The following AFDN variants were observed in gnomAD, a reference collection of about 807,000 sequenced individuals.
AFDN encodes the protein afadin.
In AFDN, 68 loss-of-function variants were observed where a neutral mutation model predicts 216.6. That is an observed-to-expected ratio of 0.31 (90% CI 0.26 to 0.38). The LOEUF (loss-of-function observed/expected upper bound fraction) is 0.38, where lower values mean the gene tolerates loss of function less well. AFDN is among the 10% of genes least tolerant of loss of function. The probability of loss-of-function intolerance (pLI) is 1.00; values close to 1 mark genes in which losing one functional copy is unlikely to be tolerated. For missense variants in AFDN, 2,136 were observed against 2,342.0 expected, an observed-to-expected ratio of 0.91 and a Z score of 1.82; for synonymous variants, 868 against 853.7, an observed-to-expected ratio of 1.02 and a Z score of -0.29.
intron 22 of AFDN, 74 bp from the exon 23 acceptor site, chr6:167,924,930 AG>A: frequency 1.0e-6 from 1 of 997,970 alleles, no homozygotes; most frequent in Non-Finnish European, 1.6e-6. Context: ...ATGATTGACT[AG>A]ATCATGAGTT....
At chr6:167,836,375 G>T (rs1024799158) in intron 1 of AFDN, among the ~76,000 whole-genome samples, 3 of 152,146 alleles carry the variant, frequency 2.0e-5, no homozygotes, top group Admixed American at 6.5e-5. Flanking sequence ...CCAACCATCG[G>T]CTGTGTAAAG....
chr6:167,904,609 TA>T (rs1789415725), intron 12 of AFDN, among the ~76,000 whole-genome samples: 1 of 152,164 alleles, frequency 6.6e-6, no homozygotes, highest in Non-Finnish European at 1.5e-5. Context: ...TTTTCTTTCT[TA>T]ACAAACTTTC....
At position 167,872,335 on chromosome 6, in the gene AFDN, A is replaced by G; in HGVS notation, c.536A>G (p.Gln179Arg). The G allele has an allele frequency of 6.2e-7, 1 of 1,613,884 alleles. No homozygotes were observed. The highest frequency in any genetic ancestry group is 8.5e-7 in the Non-Finnish European group (1 of 1,179,922). ...KKKREKEALR[Q>R]ASDKDDRPFQ... Reference sequence around the variant, plus strand: ...AAGAGAGAAAAAGAGGCATTGCGACAGGCATCTGATAAAGATGATAGACCT... The same window carrying G: ...AAGAGAGAAAAAGAGGCATTGCGACGGGCATCTGATAAAGATGATAGACCT... Residue 179 changes from glutamine to arginine, a missense_variant, in exon 4 of 34, where the codon CAG becomes CGG. Transcript: ENST00000683244.
chr6:167,885,024 G>A lies in AFDN; in HGVS notation c.898-4191G>A, dbSNP rs1786612721. 2.0e-5 allele frequency among the ~76,000 whole-genome samples: 3 copies of A among 152,142 alleles called. No homozygotes were observed. The South Asian group carries it at 6.2e-4, about 31-fold the overall frequency. On this transcript the variant is annotated intron_variant, in intron 6 of 33. Coordinates refer to ENST00000683244, the MANE Select transcript of AFDN (RefSeq NM_001386888.1). ...AGCTGCTTCACCTTGCAGTTTTATG[G>A]AGATGGCTTCATTTCTTAAACCTCA...
intron 30 of AFDN, 123 bp downstream of exon 30, chr6:167,952,310 C>T: frequency 6.4e-7 from 1 of 1,550,498 alleles, no homozygotes; most frequent in Non-Finnish European, 8.7e-7. Flanking sequence ...TAGGCTTATA[C>T]TGTTTTATTG....
chr6:167,858,998 G>A (rs929115901), intron 1 of AFDN, among the ~76,000 whole-genome samples: 4 of 151,870 alleles, frequency 2.6e-5, no homozygotes, highest in African/African-American at 9.7e-5. Context: ...GAAAGGGCTA[G>A]GAAGACGGTT....
chr6:167,873,294 G>A (rs922490349), intron 4 of AFDN, among the ~76,000 whole-genome samples: 8 of 152,186 alleles, frequency 5.3e-5, no homozygotes, highest in Non-Finnish European at 8.8e-5. Context: ...CTTGTCTGGA[G>A]AGGCTTTAAA....
At chr6:167,838,129 A>G (rs1012607975) in intron 1 of AFDN, among the ~76,000 whole-genome samples, 1 of 152,202 alleles carries the variant, frequency 6.6e-6, no homozygotes, top group African/African-American at 2.4e-5. Flanking sequence ...CAAACCTTGT[A>G]TCTTATATAG....
Position 167,964,164 on chromosome 6 carries a change from A to G in AFDN, c.4969-1593A>G, listed in dbSNP as rs549632151. On this transcript the variant is annotated intron_variant, in intron 31 of 33. Coordinates refer to ENST00000683244, the MANE Select transcript of AFDN (RefSeq NM_001386888.1). ...TACACTTGTGTTAGTAACTGCTTCT[A>G]TAATTAAGTGGTCACTGTAAAAAGG... is the stretch of plus-strand genomic sequence containing the variant. The G allele has an allele frequency of 7.1e-5, 75 of 1,063,736 alleles. No individual in the cohort carries two copies. The African/African-American group carries it at 7.4e-4, about 10-fold the overall frequency. 65.9% of individuals were successfully genotyped at this position (1,063,736 alleles called of 1,614,324 possible).
Position 167,875,440 on chromosome 6 carries a change from A to G in AFDN, c.684A>G (p.Gln228=). ...PEVVMKRRRQ[Q]KLEKRMQEFR... is the part of the protein sequence containing the mutation. ...TGGTTATGAAACGACGGAGGCAGCA[A>G]AAATTGGAAAAGAGAATGCAGGAAT... is the stretch of plus-strand genomic sequence containing the variant. The change falls in exon 5 of 34, where the codon CAA becomes CAG. Residue 228 remains glutamine, a synonymous_variant. Coordinates refer to ENST00000683244, the MANE Select transcript of AFDN (RefSeq NM_001386888.1). The G allele has an allele frequency of 6.2e-7, 1 of 1,614,054 alleles. No homozygotes were observed. The highest frequency in any genetic ancestry group is 2.2e-5 in the East Asian group (1 of 44,878).
chr6:167,922,556 C>T lies in AFDN; in HGVS notation c.2909-300C>T, dbSNP rs118142072. On this transcript the variant is annotated intron_variant, in intron 21 of 33. Transcript: ENST00000683244. ...TAGTGTAGTGGAGTAAACGGTTCTG[C>T]AAGGAAGTAATGACAAGGCTATTTG... Among the ~76,000 whole-genome samples, 7 of 152,194 alleles carry T rather than the reference C, an allele frequency of 4.6e-5. No homozygotes were observed. In the East Asian group the frequency reaches 1.3e-3, roughly 29 times the overall value.
chr6:167,912,717 G>A (rs1790559677), intron 15 of AFDN, among the ~76,000 whole-genome samples: 1 of 152,132 alleles, frequency 6.6e-6, no homozygotes, highest in Non-Finnish European at 1.5e-5. Flanking sequence ...AACTACCCTT[G>A]ATAGCCTTTT....
Position 167,962,029 on chromosome 6 carries a change from G to A in AFDN, c.4834-404G>A, listed in dbSNP as rs369279543. 8.5e-5 allele frequency among the ~76,000 whole-genome samples: 13 copies of A among 152,318 alleles called. No individual in the cohort carries two copies. In the South Asian group the frequency reaches 2.7e-3, roughly 32 times the overall value. Reference sequence around the variant, plus strand: ...ATATTCGTAGTGGAAATTAAAAAGGGAGAGGAGAAAGGAGGTGTTTCAGTG... The same window carrying A: ...ATATTCGTAGTGGAAATTAAAAAGGAAGAGGAGAAAGGAGGTGTTTCAGTG... On this transcript the variant is annotated intron_variant, in intron 30 of 33. Transcript: ENST00000683244. This position sits in a 1 kb window ranked among gnomAD's most constrained non-coding sequence, Gnocchi z 5.2.
chr6:167,968,735 T>TC (rs1797796673), intron 32 of AFDN: 1 of 199,898 alleles, frequency 5.0e-6, no homozygotes, highest in Non-Finnish European at 1.0e-5. Flanking sequence ...TGTATCTGCA[T>TC]CACATCTTTT....
At chr6:167,933,049 A>G (rs970425181) in intron 23 of AFDN, among the ~76,000 whole-genome samples, 1 of 152,192 alleles carries the variant, frequency 6.6e-6, no homozygotes, top group Non-Finnish European at 1.5e-5. Context: ...GGTTGCTTTA[A>G]ATATGATAAC....
At position 167,962,348 on chromosome 6, in the gene AFDN, G is replaced by A. The variant is rs899702823; in HGVS notation, c.4834-85G>A. 46 of 1,566,446 alleles carry A rather than the reference G, an allele frequency of 2.9e-5. No individual in the cohort carries two copies. The highest frequency in any genetic ancestry group is 4.0e-5 in the Non-Finnish European group (46 of 1,148,500). ...TCTGTGTGTGTGTGTTTGTGTATATGTGTGTCTACTTGTCTTAATGTGTGC... is the reference window on the plus strand; with the variant it reads ...TCTGTGTGTGTGTGTTTGTGTATATATGTGTCTACTTGTCTTAATGTGTGC... On this transcript the variant is annotated intron_variant, in intron 30 of 33. Coordinates refer to ENST00000683244, the MANE Select transcript of AFDN (RefSeq NM_001386888.1). This position sits in a 1 kb window ranked among gnomAD's most constrained non-coding sequence, Gnocchi z 5.2.
intron 6 of AFDN, among the ~76,000 whole-genome samples, chr6:167,884,022 T>C (rs9346629): frequency 0.31 from 47,575 of 152,156 alleles, 8,309 homozygotes; most frequent in East Asian, 0.6. Flanking sequence ...TGAAATCCTT[T>C]GTTTTCATTT....
rs909265983 is a variant in AFDN at position 167,914,368 on chromosome 6, T to G, written c.2204+55T>G. On this transcript the variant is annotated intron_variant, in intron 17 of 33. Coordinates refer to ENST00000683244, the MANE Select transcript of AFDN (RefSeq NM_001386888.1). ...ACTCTAAATAATTAAGTCATTTGTT[T>G]TCTTATTCAGTTTTCCAAACTAATT... 2.4e-5 allele frequency: 37 copies of G among 1,573,100 alleles called. 1 individual carries two copies. The highest frequency in any genetic ancestry group is 4.1e-5 in the African/African-American group (3 of 73,410).
At chr6:167,924,448 C>T (rs972714992) in intron 22 of AFDN, among the ~76,000 whole-genome samples, 1 of 152,204 alleles carries the variant, frequency 6.6e-6, no homozygotes, top group African/African-American at 2.4e-5. Flanking sequence ...GGGCTTCACT[C>T]AATAGCAGCG....
Sources: gnomAD v4.1 joint callset for allele counts (sites outside exome capture counted in the v4.1 genomes callset) on GRCh38, gnomAD v4.1.1 for gene constraint, Gnocchi (gnomAD v3.1) non-coding constraint, MANE v1.5 for transcripts, NCBI Gene and HGNC (gene_info 2026-07-23, HGNC 2026-07-21) for gene names.